CELF2: variants seen among roughly 807,000 people sequenced by gnomAD.
CELF2 encodes CUG triplet repeat RNA-binding protein 2.
Under a neutral mutation model 62.6 loss-of-function variants are expected in CELF2, and 8 were observed. The observed-to-expected ratio is 0.13, with a 90% CI of 0.07 to 0.23. The LOEUF (loss-of-function observed/expected upper bound fraction) is 0.23, where lower values mean the gene tolerates loss of function less well. Ranked by LOEUF, CELF2 falls within the 10% of genes least tolerant of loss-of-function variation. CELF2 has a pLI of 1.00. For synonymous variants in CELF2, 258 were observed against 250.0 expected (o/e 1.03, Z -0.30); for missense variants, 333 against 671.0 (o/e 0.50, Z 5.56).
At position 11,331,967 on chromosome 10, in the gene CELF2, G is replaced by T. The variant is rs1264758468; in HGVS notation, c.*2914G>T. ...TGCATCTATCCTCTAAGTTGTTTCG[G>T]TTTGACTACTTTGTTCTTTGGTTAA... On this transcript the variant is annotated 3_prime_UTR_variant, in exon 13 of 13. Coordinates refer to ENST00000633077, the MANE Select transcript of CELF2 (RefSeq NM_001326342.2). 2 of 152,100 alleles carry T rather than the reference G, an allele frequency of 1.3e-5. No individual in the cohort carries two copies. The highest frequency in any genetic ancestry group is 4.8e-5 in the African/African-American group (2 of 41,388). The allele number at this position is 152,100 out of a possible 1,614,324, so 9.4% of individuals were successfully genotyped here.
intron 2 of CELF2, among the ~76,000 whole-genome samples, chr10:11,193,320 A>G (rs1039981017): frequency 6.6e-6 from 1 of 152,202 alleles, no homozygotes; most frequent in Non-Finnish European, 1.5e-5. Context: ...CTCACCCATC[A>G]ATAGCAGTCT....
rs1410857903 is a variant in CELF2, at chr10:11,244,523, C to T, written c.355-4630C>T. ...AAAGAAAATTAGTTGGGCGTGGTGG[C>T]GGGCGCCTGTAGTCCCAGCTACTCA... On this transcript the variant is annotated intron_variant, in intron 3 of 12. Coordinates refer to ENST00000633077, the MANE Select transcript of CELF2 (RefSeq NM_001326342.2). This position sits in a 1 kb window ranked among gnomAD's most constrained non-coding sequence, Gnocchi z 4.2. Among the ~76,000 whole-genome samples, 2 of 151,890 alleles carry T rather than the reference C, an allele frequency of 1.3e-5. No individual in the cohort carries two copies. Among genetic ancestry groups the T allele is most frequent in the African/African-American group, 2.4e-5 (1 of 41,354 alleles).
At chr10:10,896,639 G>C (rs117648238) in intron 1 of CELF2, among the ~76,000 whole-genome samples, 1,627 of 152,186 alleles carry the variant, frequency 0.011, 21 homozygotes, top group Non-Finnish European at 0.015. Context: ...TAGAGATGCA[G>C]CTGCCGTCCA....
intron 2 of CELF2, among the ~76,000 whole-genome samples, chr10:10,933,731 A>G (rs573502593): frequency 1.2e-4 from 19 of 152,308 alleles, no homozygotes; most frequent in Non-Finnish European, 2.2e-4. Context: ...TTCACTTAAC[A>G]TAATGCTCTC....
chr10:10,743,451 C>T, the CELF2 span, among the ~76,000 whole-genome samples: 1 of 152,182 alleles, frequency 6.6e-6, no homozygotes, highest in Non-Finnish European at 1.5e-5. Flanking sequence ...TAGCTCTAAT[C>T]TCTAAATGGC....
chr10:10,873,722 T>A (rs2060906015), intron 1 of CELF2, among the ~76,000 whole-genome samples: 1 of 152,228 alleles, frequency 6.6e-6, no homozygotes. Flanking sequence ...TGTTCATCTC[T>A]CCAACTTCTC....
chr10:11,032,748 G>A (rs2060328684), intron 1 of CELF2, among the ~76,000 whole-genome samples: 1 of 152,126 alleles, frequency 6.6e-6, no homozygotes, highest in Admixed American at 6.6e-5. Flanking sequence ...AATTGACGAA[G>A]GTTGCTCAGG....
intron 1 of CELF2, among the ~76,000 whole-genome samples, chr10:11,040,847 C>T (rs1340272264): frequency 6.6e-6 from 1 of 151,670 alleles, no homozygotes; most frequent in African/African-American, 2.4e-5. Flanking sequence ...AATATTTTTC[C>T]ATTATTCAGG....
At chr10:11,036,377 C>T (rs1175642552) in intron 1 of CELF2, among the ~76,000 whole-genome samples, 2 of 152,160 alleles carry the variant, frequency 1.3e-5, no homozygotes, top group Non-Finnish European at 2.9e-5. Context: ...TTCTATTAAT[C>T]GTTAATTACT....
chr10:10,555,119 T>A, the CELF2 span, among the ~76,000 whole-genome samples: 1 of 152,100 alleles, frequency 6.6e-6, no homozygotes, highest in East Asian at 1.9e-4. Flanking sequence ...AGCCATAGGG[T>A]GACACCGTGG....
chr10:11,052,798 A>G (rs2064219758), intron 1 of CELF2, among the ~76,000 whole-genome samples: 1 of 152,198 alleles, frequency 6.6e-6, no homozygotes, highest in Non-Finnish European at 1.5e-5. Context: ...ACAGGATGAT[A>G]CCATATCCTG....
chr10:11,124,492 T>G (rs11256991), intron 1 of CELF2, among the ~76,000 whole-genome samples: 27,028 of 152,200 alleles, frequency 0.18, 2,544 homozygotes, highest in Middle Eastern at 0.27. Context: ...AACTTGATGT[T>G]TTTTAGATCT....
chr10:10,651,226 A>G, the CELF2 span, among the ~76,000 whole-genome samples: 68 of 124,154 alleles, frequency 5.5e-4, 2 homozygotes, highest in African/African-American at 1.6e-3. Context: ...TCCTATGCCC[A>G]CAGAATCTCG....
chr10:11,041,986 G>T (rs113478480), intron 1 of CELF2, among the ~76,000 whole-genome samples: 1 of 152,144 alleles, frequency 6.6e-6, no homozygotes, highest in African/African-American at 2.4e-5. Context: ...CCCATTGGGG[G>T]CATAATTATG....
At position 11,285,879 on chromosome 10, in the gene CELF2, T is replaced by TGTGTGTGTGTGTG. The variant is rs1385996500; in HGVS notation, c.842-2539_842-2538insGTGTGTGTGTGTG. On this transcript the variant is annotated intron_variant, in intron 8 of 12. Coordinates refer to ENST00000633077, the MANE Select transcript of CELF2 (RefSeq NM_001326342.2). This position sits in a 1 kb window ranked among gnomAD's most constrained non-coding sequence, Gnocchi z 4.3. ...TGTGTGTGTGTGTGTGTGTGTGTGT[T>TGTGTGTGTGTGTG]TTTACATGGACTTGAAAATGAGTAA... is the stretch of plus-strand genomic sequence containing the variant. 4.5e-4 allele frequency among the ~76,000 whole-genome samples: 49 copies of TGTGTGTGTGTGTG among 108,064 alleles called. 1 individual carries two copies. The highest frequency in any genetic ancestry group is 2.0e-3 in the East Asian group (8 of 3,972). The allele number at this position is 108,064 out of a possible 152,430, so 70.9% of individuals were successfully genotyped here. A position where few individuals can be genotyped will look rare whatever the true frequency, so the allele number is the denominator to read the frequency against.
chr10:10,745,693 C>A, the CELF2 span, among the ~76,000 whole-genome samples: 1 of 152,154 alleles, frequency 6.6e-6, no homozygotes, highest in Admixed American at 6.5e-5. Flanking sequence ...TTTTTTCCTG[C>A]CAGTCTCTGC....
At chr10:10,467,549 T>C in the CELF2 span, among the ~76,000 whole-genome samples, 1 of 152,094 alleles carries the variant, frequency 6.6e-6, no homozygotes, top group Non-Finnish European at 1.5e-5. Flanking sequence ...GCTTTGGCTC[T>C]TCTAAGTTCT....
intron 2 of CELF2, among the ~76,000 whole-genome samples, chr10:11,203,268 A>T (rs2059694086): frequency 6.6e-6 from 1 of 152,118 alleles, no homozygotes; most frequent in Non-Finnish European, 1.5e-5. Context: ...TGTTATCCTG[A>T]AATCAAGGAA....
intron 2 of CELF2, among the ~76,000 whole-genome samples, chr10:11,210,409 A>T (rs1186523019): frequency 6.6e-6 from 1 of 152,200 alleles, no homozygotes; most frequent in Non-Finnish European, 1.5e-5. Context: ...GCCCAACCCC[A>T]TAAGCTCCGA....
Sources: allele counts gnomAD v4.1 joint callset (sites outside exome capture counted in the v4.1 genomes callset), GRCh38; gene constraint gnomAD v4.1.1; non-coding constraint Gnocchi (gnomAD v3.1); transcripts MANE v1.5; gene names NCBI Gene and HGNC (gene_info 2026-07-23, HGNC 2026-07-21).